DSCAM: variants seen among roughly 807,000 people sequenced by gnomAD.
DSCAM encodes DS cell adhesion molecule.
Under a neutral mutation model 217.7 loss-of-function variants are expected in DSCAM, and 47 were observed. The observed-to-expected ratio is 0.22, with a 90% CI of 0.17 to 0.28. The LOEUF is 0.28. Among genes scored for constraint, DSCAM ranks in the 10% least tolerant of loss-of-function variants. The probability of loss-of-function intolerance (pLI) is 1.00; values close to 1 mark genes in which losing one functional copy is unlikely to be tolerated. For missense variants in DSCAM, 2,080 were observed against 2,618.3 expected (o/e 0.79, Z 4.49); for synonymous variants, 1,056 against 1,015.3 (o/e 1.04, Z -0.76).
chr21:40,530,506 T>C (rs773915070), intron 3 of DSCAM, among the ~76,000 whole-genome samples: 2 of 152,252 alleles, frequency 1.3e-5, no homozygotes, highest in Non-Finnish European at 2.9e-5. Context: ...AAGACAATTC[T>C]GAGCAATTGC....
intron 11 of DSCAM, among the ~76,000 whole-genome samples, chr21:40,198,067 T>G (rs2205141): frequency 0.33 from 49,880 of 151,962 alleles, 9,383 homozygotes; most frequent in Non-Finnish European, 0.41. Context: ...CATAAAGTCC[T>G]TGAAATTTCC....
rs201710230 is a variant in DSCAM at position 40,035,167 on chromosome 21, T to C, written c.5686+7204A>G. 2.3e-4 allele frequency among the ~76,000 whole-genome samples: 24 copies of C among 103,294 alleles called. No individual in the cohort carries two copies. In the East Asian group the frequency reaches 4.8e-3, roughly 21 times the overall value. The allele number at this position is 103,294 out of a possible 152,430, so 67.8% of individuals were successfully genotyped here. On this transcript the variant is annotated intron_variant, in intron 32 of 32. Transcript: ENST00000400454. ...AGGATCAAATACACACATAACAATATTAACTTTACATGTAAATGGACTAAA... is the reference window on the plus strand; with the variant it reads ...AGGATCAAATACACACATAACAATACTAACTTTACATGTAAATGGACTAAA...
chr21:40,382,880 T>A (rs1037653526), intron 3 of DSCAM, among the ~76,000 whole-genome samples: 1 of 152,238 alleles, frequency 6.6e-6, no homozygotes, highest in Non-Finnish European at 1.5e-5. Context: ...GCCCATCATA[T>A]GCAGACCTAG....
chr21:40,197,944 A>G (rs2091031442), intron 11 of DSCAM, among the ~76,000 whole-genome samples: 1 of 152,196 alleles, frequency 6.6e-6, no homozygotes, highest in East Asian at 1.9e-4. Context: ...GGAGGAGGCC[A>G]AGGGTGCAGA....
intron 3 of DSCAM, among the ~76,000 whole-genome samples, chr21:40,441,200 T>A (rs10483068): frequency 6.6e-6 from 1 of 151,936 alleles, no homozygotes. Context: ...AGTGCCAGGA[T>A]CATCTTTCTT....
intron 1 of DSCAM, among the ~76,000 whole-genome samples, chr21:40,765,766 T>C (rs925759211): frequency 1.3e-5 from 2 of 152,214 alleles, no homozygotes; most frequent in South Asian, 4.1e-4. Context: ...TTAATTTCTA[T>C]AACCAAAGCT....
Position 40,033,447 on chromosome 21 carries a change from G to A in DSCAM, c.5686+8924C>T, listed in dbSNP as rs181248223. ...CTGGAAAATCGGGTCACTCCCACCC[G>A]AATACTGCGCTTTTCTGACGAGCTT... On this transcript the variant is annotated intron_variant, in intron 32 of 32. Transcript: ENST00000400454. Among the ~76,000 whole-genome samples, 4 of 152,230 alleles carry A rather than the reference G, an allele frequency of 2.6e-5. No individual in the cohort carries two copies. The East Asian group carries it at 5.8e-4, about 22-fold the overall frequency.
At chr21:40,734,119 A>G (rs2091039505) in intron 1 of DSCAM, among the ~76,000 whole-genome samples, 1 of 152,170 alleles carries the variant, frequency 6.6e-6, no homozygotes, top group Admixed American at 6.5e-5. Flanking sequence ...GGATTAACTT[A>G]GATGTGCATT....
chr21:40,720,177 G>C (rs1439687514), intron 1 of DSCAM, among the ~76,000 whole-genome samples: 2 of 152,172 alleles, frequency 1.3e-5, no homozygotes. Context: ...GTTCAAGTTA[G>C]CTTTATTGAT....
intron 11 of DSCAM, among the ~76,000 whole-genome samples, chr21:40,212,634 A>G (rs2091197188): frequency 6.6e-6 from 1 of 152,104 alleles, no homozygotes; most frequent in South Asian, 2.1e-4. Flanking sequence ...TTGGCAATAA[A>G]GCAGGTTTTT....
chr21:40,142,500 CA>C (rs1471482714), intron 18 of DSCAM, 57 bp downstream of exon 18: 1 of 1,599,722 alleles, frequency 6.3e-7, no homozygotes, highest in Non-Finnish European at 8.5e-7. Context: ...GAGGGGTCTG[CA>C]AATTCCATCA....
chr21:40,061,405 C>T (rs1359291475), intron 28 of DSCAM, among the ~76,000 whole-genome samples: 4 of 151,992 alleles, frequency 2.6e-5, no homozygotes, highest in African/African-American at 7.2e-5. Flanking sequence ...TCTGTCTCTA[C>T]TAAAAATACA....
At chr21:40,466,410 T>G (rs56826390) in intron 3 of DSCAM, among the ~76,000 whole-genome samples, 1,872 of 152,296 alleles carry the variant, frequency 0.012, 47 homozygotes, top group African/African-American at 0.042. Flanking sequence ...GAAGAGACCA[T>G]GTACTTTAGA....
rs188529378 is a variant in DSCAM at position 40,336,172 on chromosome 21, G to C, written c.1783+1929C>G. ...TTTCAAGCAGAGTATGTCTGTGCTT[G>C]CTTGAGTTGCAAATTCGACCAGCTG... On this transcript the variant is annotated intron_variant, in intron 8 of 32. Transcript: ENST00000400454. 3.9e-5 allele frequency among the ~76,000 whole-genome samples: 6 copies of C among 152,222 alleles called. No individual in the cohort carries two copies. The East Asian group carries it at 1.2e-3, about 29-fold the overall frequency.
intron 11 of DSCAM, among the ~76,000 whole-genome samples, chr21:40,251,710 G>A (rs13052878): frequency 3.5e-4 from 53 of 152,298 alleles, no homozygotes; most frequent in Non-Finnish European, 6.9e-4. Flanking sequence ...TTGAGTGTAG[G>A]TAGGTCCTGT....
At chr21:40,608,102 C>T (rs1311595475) in intron 3 of DSCAM, among the ~76,000 whole-genome samples, 2 of 152,090 alleles carry the variant, frequency 1.3e-5, no homozygotes, top group African/African-American at 4.8e-5. Context: ...TAAAGAGCAC[C>T]ATAAATGGTA....
intron 11 of DSCAM, among the ~76,000 whole-genome samples, chr21:40,234,007 A>T (rs2091404480): frequency 6.6e-6 from 1 of 152,190 alleles, no homozygotes; most frequent in Non-Finnish European, 1.5e-5. Flanking sequence ...TCCCAGGCTA[A>T]TGATGCCTGC....
intron 11 of DSCAM, among the ~76,000 whole-genome samples, chr21:40,202,623 T>A (rs976759171): frequency 2.6e-5 from 4 of 152,262 alleles, no homozygotes; most frequent in African/African-American, 9.6e-5. Flanking sequence ...AGGGATCTCC[T>A]CTACCTGAAG....
chr21:40,618,495 G>A (rs765203439), intron 3 of DSCAM: 3 of 152,220 alleles, frequency 2.0e-5, no homozygotes, highest in Admixed American at 1.3e-4. Context: ...TCATGAGAGA[G>A]AAGCATGAAT....
Sources: gnomAD v4.1 joint callset for allele counts (sites outside exome capture counted in the v4.1 genomes callset) on GRCh38, gnomAD v4.1.1 for gene constraint, MANE v1.5 for transcripts, NCBI Gene and HGNC (gene_info 2026-07-23, HGNC 2026-07-21) for gene names.